The following ANKS1B variants were observed in gnomAD, a reference collection of about 807,000 sequenced individuals.
ANKS1B encodes ankyrin repeat and sterile alpha motif domain-containing protein 1B.
A neutral mutation model predicts 148.3 loss-of-function variants in ANKS1B; 36 were observed. The observed-to-expected ratio is 0.24, with a 90% CI of 0.19 to 0.32. The LOEUF is 0.32. Among genes scored for constraint, ANKS1B ranks in the 10% least tolerant of loss-of-function variants. The pLI is 1.00. For synonymous variants in ANKS1B, 542 were observed against 560.8 expected (o/e 0.97, Z 0.47); for missense variants, 1,157 against 1,542.6 (o/e 0.75, Z 4.19).
At chr12:99,648,819 T>C (rs1391301839) in intron 9 of ANKS1B, 1 of 1,584,450 alleles carries the variant, frequency 6.3e-7, no homozygotes, top group Admixed American at 1.8e-5. Flanking sequence ...AGATGGGGCC[T>C]GGATGCTTTG....
intron 4 of ANKS1B, among the ~76,000 whole-genome samples, chr12:99,784,978 A>AT (rs1199031994): frequency 2.0e-5 from 3 of 152,046 alleles, no homozygotes; most frequent in African/African-American, 7.3e-5. Flanking sequence ...GGCCACATCT[A>AT]TTTTTTCACC....
intron 17 of ANKS1B, among the ~76,000 whole-genome samples, chr12:98,865,142 C>G (rs1268416455): frequency 6.6e-6 from 1 of 152,166 alleles, no homozygotes; most frequent in Non-Finnish European, 1.5e-5. Context: ...AACACCTTTT[C>G]ATGGTCCTTA....
At chr12:99,696,398 A>G (rs1199039552) in intron 8 of ANKS1B, among the ~76,000 whole-genome samples, 1 of 152,230 alleles carries the variant, frequency 6.6e-6, no homozygotes, top group Admixed American at 6.5e-5. Flanking sequence ...CAAACATATT[A>G]GTGGAACAGA....
intron 17 of ANKS1B, among the ~76,000 whole-genome samples, chr12:98,991,391 C>T (rs953466071): frequency 4.6e-5 from 7 of 152,022 alleles, no homozygotes; most frequent in Non-Finnish European, 1.0e-4. Context: ...TCTTTTTGTT[C>T]CCAGTGAATT....
At chr12:99,650,071 G>GCT (rs1259529307) in intron 9 of ANKS1B, 2 of 152,420 alleles carry the variant, frequency 1.3e-5, no homozygotes, top group Non-Finnish European at 2.9e-5. Flanking sequence ...AATAACATAT[G>GCT]CTCTATTGAC....
chr12:99,221,439 C>G (rs929205716), intron 14 of ANKS1B, among the ~76,000 whole-genome samples: 1 of 152,176 alleles, frequency 6.6e-6, no homozygotes, highest in Non-Finnish European at 1.5e-5. Context: ...CAACTTGTAT[C>G]CATTCATGGG....
intron 9 of ANKS1B, among the ~76,000 whole-genome samples, chr12:99,573,602 G>C (rs1414768425): frequency 6.6e-6 from 1 of 151,866 alleles, no homozygotes; most frequent in Non-Finnish European, 1.5e-5. Flanking sequence ...ACATGGTTGG[G>C]GGAAAATTAA....
At chr12:99,961,963 GA>G (rs2095417906) in intron 1 of ANKS1B, among the ~76,000 whole-genome samples, 1 of 152,190 alleles carries the variant, frequency 6.6e-6, no homozygotes, top group African/African-American at 2.4e-5. Flanking sequence ...TAGAGGTATT[GA>G]TAAGAAAACA....
chr12:99,145,485 C>T (rs2072721087), intron 15 of ANKS1B, among the ~76,000 whole-genome samples: 1 of 152,010 alleles, frequency 6.6e-6, no homozygotes, highest in South Asian at 2.1e-4. Flanking sequence ...CCTTGATTAG[C>T]AATCGCGAGG....
At chr12:98,832,204 ATGTGGGGTG>A in intron 17 of ANKS1B, 68 bp from the exon 18 acceptor site, 2 of 1,252,264 alleles carry the variant, frequency 1.6e-6, no homozygotes, top group Admixed American at 2.3e-5. Context: ...GTCCTAAAAC[ATGTGGGGTG>A]AAAAAAGATT....
At chr12:98,835,094 CT>C (rs1007518264) in intron 17 of ANKS1B, among the ~76,000 whole-genome samples, 4 of 95,940 alleles carry the variant, frequency 4.2e-5, no homozygotes, top group African/African-American at 8.5e-5. Context: ...AAGACATTTG[CT>C]TAATTATTAT....
rs145255482 is a variant in ANKS1B, at chr12:99,273,273, T to C, written c.1757-26409A>G. Reference sequence around the variant, plus strand: ...GCTCAGGGGCCCAAAGGTCTCTTAATATATTGTACTTTCTCTGTCCCTTCT... The same window carrying C: ...GCTCAGGGGCCCAAAGGTCTCTTAACATATTGTACTTTCTCTGTCCCTTCT... On this transcript the variant is annotated intron_variant, in intron 12 of 26. Coordinates refer to ENST00000683438, the MANE Select transcript of ANKS1B (RefSeq NM_001352186.2). Among the ~76,000 whole-genome samples, 10 of 152,328 alleles carry C rather than the reference T, an allele frequency of 6.6e-5. No homozygotes were observed. The East Asian group carries it at 1.9e-3, about 29-fold the overall frequency.
Position 98,751,716 on chromosome 12 carries a change from C to T in ANKS1B, c.3580-194G>A, listed in dbSNP as rs184897079. Among the ~76,000 whole-genome samples the T allele has an allele frequency of 3.5e-4, 54 of 152,288 alleles. 1 individual carries two copies. Among genetic ancestry groups the T allele is most frequent in the Admixed American group, 1.2e-3 (18 of 15,298 alleles). ...CTTAGGGTTTACACCAGGCTTTAGT[C>T]ATTTGTGAAAAGAAAAATCTTGGGA... On this transcript the variant is annotated intron_variant, in intron 25 of 26. Transcript: ENST00000683438. This position sits in a 1 kb window ranked among gnomAD's most constrained non-coding sequence, Gnocchi z 4.3.
At chr12:99,675,035 T>G (rs1397708908) in intron 8 of ANKS1B, among the ~76,000 whole-genome samples, 1 of 151,940 alleles carries the variant, frequency 6.6e-6, no homozygotes, top group East Asian at 1.9e-4. Context: ...TTATAGCAAT[T>G]AAAACTCAAA....
intron 12 of ANKS1B, among the ~76,000 whole-genome samples, chr12:99,381,011 A>G (rs535625374): frequency 6.5e-4 from 99 of 152,306 alleles, no homozygotes; most frequent in Non-Finnish European, 1.2e-3. Context: ...GACCCAGAGA[A>G]GAAGGCCATG....
chr12:99,147,231 G>T (rs2073440251), intron 15 of ANKS1B, among the ~76,000 whole-genome samples: 1 of 152,002 alleles, frequency 6.6e-6, no homozygotes, highest in African/African-American at 2.4e-5. Flanking sequence ...ATTGAGAAAA[G>T]AACTGAGAGC....
chr12:99,628,289 C>A (rs1214393161), intron 9 of ANKS1B, among the ~76,000 whole-genome samples: 2 of 152,234 alleles, frequency 1.3e-5, no homozygotes, highest in Non-Finnish European at 2.9e-5. Flanking sequence ...TTAGGCAGTT[C>A]CTGACCACGT....
intron 20 of ANKS1B, among the ~76,000 whole-genome samples, chr12:98,802,727 T>C (rs1246799277): frequency 6.6e-6 from 1 of 150,702 alleles, no homozygotes; most frequent in East Asian, 2.0e-4. Context: ...GGCTTCTCAC[T>C]GTAGTTAGTG....
At chr12:99,884,928 T>TA (rs879866342) in intron 1 of ANKS1B, among the ~76,000 whole-genome samples, 53 of 146,220 alleles carry the variant, frequency 3.6e-4, no homozygotes, top group Non-Finnish European at 4.7e-4. Flanking sequence ...TTTACCTATT[T>TA]AAAAAAAAAA....
Sources: allele counts gnomAD v4.1 joint callset (sites outside exome capture counted in the v4.1 genomes callset), GRCh38; gene constraint gnomAD v4.1.1; non-coding constraint Gnocchi (gnomAD v3.1); transcripts MANE v1.5; gene names NCBI Gene and HGNC (gene_info 2026-07-23, HGNC 2026-07-21).